Variants in ERC1 observed in about 807,000 individuals in gnomAD.
ERC1 encodes the protein ELKS/RAB6-interacting/CAST family member 1, also known as RAB6 interacting protein 2.
A neutral mutation model predicts 132.0 loss-of-function variants in ERC1; 56 were observed. The observed-to-expected ratio is 0.42, with a 90% CI of 0.34 to 0.53. ERC1 has a LOEUF of 0.53. Ranked by LOEUF, ERC1 falls within the 20% of genes least tolerant of loss-of-function variation. The probability of loss-of-function intolerance (pLI) is 0.03; values close to 1 mark genes in which losing one functional copy is unlikely to be tolerated. For synonymous variants in ERC1, 478 were observed against 476.1 expected, an observed-to-expected ratio of 1.00 and a Z score of -0.05; for missense variants, 1,202 against 1,349.9, an observed-to-expected ratio of 0.89 and a Z score of 1.72.
intron 15 of ERC1, among the ~76,000 whole-genome samples, chr12:1,369,509 G>A (rs2086977189): frequency 6.6e-6 from 1 of 152,174 alleles, no homozygotes; most frequent in Admixed American, 6.5e-5. Flanking sequence ...CTAAATATGT[G>A]ATTCTGACTA....
rs2094330404 is a variant in ERC1 at position 1,493,028 on chromosome 12, C to T, written c.*2798C>T. On this transcript the variant is annotated 3_prime_UTR_variant, in exon 19 of 19. Coordinates refer to ENST00000360905, the MANE Select transcript of ERC1 (RefSeq NM_178040.4). ...GCCCTTTAGCACCTAAAGATCTGCACCCCAAACCAATGTCACCATAAAGAG... is the reference window on the plus strand; with the variant it reads ...GCCCTTTAGCACCTAAAGATCTGCATCCCAAACCAATGTCACCATAAAGAG... 2 of 225,180 alleles carry T rather than the reference C, an allele frequency of 8.9e-6. No individual in the cohort carries two copies. Among genetic ancestry groups the T allele is most frequent in the East Asian group, 6.4e-5 (1 of 15,650 alleles). 13.9% of individuals were successfully genotyped at this position (225,180 alleles called of 1,614,324 possible). A position where few individuals can be genotyped will look rare whatever the true frequency, so the allele number is the denominator to read the frequency against.
At chr12:1,249,705 A>G (rs981540974) in intron 13 of ERC1, among the ~76,000 whole-genome samples, 1 of 152,200 alleles carries the variant, frequency 6.6e-6, no homozygotes, top group South Asian at 2.1e-4. Context: ...TTGGGCTGCT[A>G]TAGCGAAATA....
intron 2 of ERC1, among the ~76,000 whole-genome samples, chr12:1,073,242 A>G (rs1028486820): frequency 6.6e-6 from 1 of 151,994 alleles, no homozygotes; most frequent in African/African-American, 2.4e-5. Context: ...CGGAGGTTGC[A>G]GTGAGCTGAG....
chr12:1,393,495 C>T (rs2090155128), intron 16 of ERC1, among the ~76,000 whole-genome samples: 1 of 152,130 alleles, frequency 6.6e-6, no homozygotes, highest in Admixed American at 6.5e-5. Context: ...GATTGTGCTA[C>T]TGCACTCCAG....
At chr12:1,163,625 T>C (rs559368302) in intron 8 of ERC1, among the ~76,000 whole-genome samples, 1 of 152,372 alleles carries the variant, frequency 6.6e-6, no homozygotes, top group South Asian at 2.1e-4. Flanking sequence ...TGTCTATGAT[T>C]GGATGATCTC....
intron 5 of ERC1, 148 bp downstream of exon 5, chr12:1,110,495 A>G: frequency 1.6e-6 from 1 of 625,408 alleles, no homozygotes; most frequent in Non-Finnish European, 2.5e-6. Flanking sequence ...TTTCAAATGA[A>G]ACTTCTCCAG....
rs1323135786 is a variant in ERC1, at chr12:1,277,300, A to G, written c.2620-12552A>G. The stretch of plus-strand genomic sequence containing the variant: ...ATTCAAAACATTCTGCAGAGCAGGT[A>G]TAAACTGATTAGAATCATTTGAAAA... On this transcript the variant is annotated intron_variant, in intron 14 of 18. Coordinates refer to ENST00000360905, the MANE Select transcript of ERC1 (RefSeq NM_178040.4). Among the ~76,000 whole-genome samples, 6 of 152,384 alleles carry G rather than the reference A, an allele frequency of 3.9e-5. No individual in the cohort carries two copies. The East Asian group carries it at 1.2e-3, about 29-fold the overall frequency.
intron 1 of ERC1, among the ~76,000 whole-genome samples, chr12:1,017,279 G>T (rs1016896787): frequency 1.3e-5 from 2 of 152,154 alleles, no homozygotes; most frequent in African/African-American, 4.8e-5. Flanking sequence ...TTACAGGCAT[G>T]ACCCACCATG....
intron 17 of ERC1, among the ~76,000 whole-genome samples, chr12:1,414,013 G>A (rs772869716): frequency 1.6e-4 from 24 of 152,088 alleles, no homozygotes; most frequent in Admixed American, 1.1e-3. Context: ...CATCAGGAGC[G>A]TGCAACCTAG....
At chr12:1,480,868 A>G (rs1350981276) in intron 18 of ERC1, 3 of 702,398 alleles carry the variant, frequency 4.3e-6, no homozygotes, top group South Asian at 1.5e-5. Context: ...AAAGCCATGG[A>G]AAAACTGCCT....
chr12:1,422,520 A>G (rs1176174311), intron 17 of ERC1, among the ~76,000 whole-genome samples: 5 of 150,358 alleles, frequency 3.3e-5, no homozygotes, highest in African/African-American at 1.3e-4. Flanking sequence ...CTAAAATGAC[A>G]GAATTTCATT....
intron 15 of ERC1, among the ~76,000 whole-genome samples, chr12:1,345,187 C>CTTTTT (rs573681390): frequency 0.03 from 3,979 of 131,422 alleles, 184 homozygotes; most frequent in South Asian, 0.092. Flanking sequence ...AATATTTCTT[C>CTTTTT]TTTTTTTTTT....
intron 13 of ERC1, among the ~76,000 whole-genome samples, chr12:1,241,533 A>G (rs2075789744): frequency 2.0e-5 from 3 of 151,998 alleles, no homozygotes; most frequent in African/African-American, 7.2e-5. Context: ...TTTTTCACTT[A>G]ATATCCATTT....
chr12:1,070,545 C>T (rs1321403968), intron 2 of ERC1, among the ~76,000 whole-genome samples: 1 of 152,090 alleles, frequency 6.6e-6, no homozygotes. Context: ...CTCGGCTTCT[C>T]AAAGTGCTGG....
intron 16 of ERC1, among the ~76,000 whole-genome samples, chr12:1,379,466 G>C (rs1024837608): frequency 6.6e-6 from 1 of 152,152 alleles, no homozygotes; most frequent in Non-Finnish European, 1.5e-5. Flanking sequence ...AATCTTTCCA[G>C]GTCTTCCAGT....
At chr12:1,151,366 T>C (rs1032304879) in intron 8 of ERC1, among the ~76,000 whole-genome samples, 16 of 152,324 alleles carry the variant, frequency 1.1e-4, no homozygotes, top group Non-Finnish European at 1.3e-4. Context: ...TCTTTGCCCC[T>C]GGCTTCCAGA....
intron 18 of ERC1, among the ~76,000 whole-genome samples, chr12:1,446,028 C>T (rs371528995): frequency 1.3e-5 from 2 of 152,138 alleles, no homozygotes; most frequent in Non-Finnish European, 2.9e-5. Flanking sequence ...AATCACCTCC[C>T]AAAGGCCCAC....
chr12:996,758 GTC>G (rs1436267279), intron 1 of ERC1, among the ~76,000 whole-genome samples: 1 of 152,150 alleles, frequency 6.6e-6, no homozygotes, highest in African/African-American at 2.4e-5. Context: ...ACAGTTAAAA[GTC>G]TCTCCTATCC....
rs150348125 is a variant in ERC1, at chr12:1,058,933, A to G, written c.670-24231A>G. Among the ~76,000 whole-genome samples the G allele has an allele frequency of 1.2e-4, 18 of 152,128 alleles. No homozygotes were observed. In the East Asian group the frequency reaches 3.3e-3, roughly 28 times the overall value. Reference sequence around the variant, plus strand: ...CAGCCTCCCATGTAGCTGGGATGACAGTGGTCATTTTAACAGCATTCTTCC... The same window carrying G: ...CAGCCTCCCATGTAGCTGGGATGACGGTGGTCATTTTAACAGCATTCTTCC... On this transcript the variant is annotated intron_variant, in intron 2 of 18. Transcript: ENST00000360905.
Sources: allele counts gnomAD v4.1 joint callset (sites outside exome capture counted in the v4.1 genomes callset), GRCh38; gene constraint gnomAD v4.1.1; transcripts MANE v1.5; gene names NCBI Gene and HGNC (gene_info 2026-07-23, HGNC 2026-07-21).